The following CYFIP1 variants were observed in gnomAD, a reference collection of about 807,000 sequenced individuals.
CYFIP1 encodes the protein cytoplasmic FMR1 interacting protein 1.
A neutral mutation model predicts 163.5 loss-of-function variants in CYFIP1; 58 were observed. The observed-to-expected ratio is 0.35, with a 90% CI of 0.29 to 0.44. CYFIP1 has a LOEUF of 0.44. CYFIP1 is among the 20% of genes least tolerant of loss of function. The pLI, the probability that CYFIP1 is intolerant of heterozygous loss-of-function variation, is 1.00. For missense variants in CYFIP1, 1,338 were observed against 1,653.8 expected (o/e 0.81, Z 3.31); for synonymous variants, 663 against 660.7 (o/e 1.00, Z -0.05).
chr15:22,906,756 C>G (rs1007541056), intron 21 of CYFIP1, among the ~76,000 whole-genome samples: 1 of 152,166 alleles, frequency 6.6e-6, no homozygotes, highest in Admixed American at 6.5e-5. Flanking sequence ...TGAGCCACAG[C>G]GCCCGGCCAG....
At chr15:22,879,292 C>G (rs2059681003) in intron 26 of CYFIP1, among the ~76,000 whole-genome samples, 1 of 152,198 alleles carries the variant, frequency 6.6e-6, no homozygotes, top group African/African-American at 2.4e-5. Context: ...TTCCCACTGG[C>G]TTTCCCAGCC....
intron 14 of CYFIP1, 64 bp downstream of exon 14, chr15:22,918,628 T>C: frequency 7.1e-7 from 1 of 1,415,638 alleles, no homozygotes; most frequent in Middle Eastern, 1.9e-4. Flanking sequence ...GCTCCTGTTG[T>C]TTGAATCCAA....
intron 1 of CYFIP1, among the ~76,000 whole-genome samples, chr15:22,956,725 C>T (rs765285117): frequency 1.3e-5 from 2 of 152,168 alleles, no homozygotes; most frequent in South Asian, 2.1e-4. Flanking sequence ...GCCCCACTGC[C>T]GCCCCGAGAC....
chr15:22,902,197 G>C (rs2060414979), intron 22 of CYFIP1, among the ~76,000 whole-genome samples: 1 of 152,230 alleles, frequency 6.6e-6, no homozygotes, highest in African/African-American at 2.4e-5. Flanking sequence ...GCCGCCCACA[G>C]TGGGGACGAG....
intron 28 of CYFIP1, among the ~76,000 whole-genome samples, chr15:22,874,181 T>C (rs769885081): frequency 1.3e-5 from 2 of 152,200 alleles, no homozygotes. Flanking sequence ...AACCCTGACT[T>C]AGCATAAGCA....
At chr15:22,908,526 T>TC (rs2060663525) in intron 21 of CYFIP1, among the ~76,000 whole-genome samples, 1 of 95,082 alleles carries the variant, frequency 1.1e-5, no homozygotes, top group Non-Finnish European at 2.2e-5. Flanking sequence ...TTCTTTTTTT[T>TC]TTTTTTTTTT....
intron 1 of CYFIP1, among the ~76,000 whole-genome samples, chr15:22,966,228 C>T (rs1056213277): frequency 2.0e-5 from 3 of 151,792 alleles, no homozygotes; most frequent in Non-Finnish European, 2.9e-5. Flanking sequence ...GTGGCGTGGG[C>T]CTGTAATCCC....
chr15:22,895,843 T>C (rs2060221259), intron 22 of CYFIP1, among the ~76,000 whole-genome samples: 1 of 152,204 alleles, frequency 6.6e-6, no homozygotes, highest in South Asian at 2.1e-4. Flanking sequence ...CGCCCCTGGC[T>C]GGCAGTACCC....
In CYFIP1 at chr15:22,939,252, A is replaced by G. The variant is rs1348575633; in HGVS notation, c.735T>C (p.Cys245=). 7 of 1,614,170 alleles carry G rather than the reference A, an allele frequency of 4.3e-6. No individual in the cohort carries two copies. Among genetic ancestry groups the G allele is most frequent in the Non-Finnish European group, 5.9e-6 (7 of 1,180,020 alleles). Residue 245 remains cysteine (C), a synonymous_variant, in exon 8 of 31, where the codon TGT becomes TGC. Transcript: ENST00000617928. The part of the protein sequence containing the change: ...EELLADIVNL[C]VDYYENRMYL... ...ACATCCTGTTCTCGTAGTAATCCAC[A>G]CACAGATTCACAATATCTGCCAGGA...
intron 22 of CYFIP1, among the ~76,000 whole-genome samples, chr15:22,895,894 C>T (rs1047517124): frequency 3.9e-5 from 6 of 152,194 alleles, no homozygotes; most frequent in Non-Finnish European, 8.8e-5. Context: ...GTGATGCGTC[C>T]CTGAGGACAG....
chr15:22,937,757 A>G lies in CYFIP1; in HGVS notation c.796-549T>C, dbSNP rs138907723. On this transcript the variant is annotated intron_variant, in intron 8 of 30. Transcript: ENST00000617928. ...GGGATTACAGGCGCCCATGACCACC[A>G]CGCCTGGCTAATTTTTTTTGTATTT... Among the ~76,000 whole-genome samples the G allele has an allele frequency of 2.6e-3, 398 of 151,904 alleles. 2 individuals are homozygous for G. Among genetic ancestry groups the G allele is most frequent in the South Asian group, 4.2e-3 (20 of 4,796 alleles).
chr15:22,922,403 T>A (rs934212867), intron 13 of CYFIP1, among the ~76,000 whole-genome samples: 2 of 152,216 alleles, frequency 1.3e-5, no homozygotes, highest in Non-Finnish European at 1.5e-5. Flanking sequence ...CTGGGAGAAA[T>A]AAGCACGTCC....
At chr15:22,951,041 G>A (rs967191517) in intron 1 of CYFIP1, among the ~76,000 whole-genome samples, 3 of 152,160 alleles carry the variant, frequency 2.0e-5, no homozygotes, top group Admixed American at 2.0e-4. Context: ...CATAGACTAC[G>A]CAGGGTTCAG....
chr15:22,947,191 G>A lies in CYFIP1; in HGVS notation c.95C>T (p.Pro32Leu), dbSNP rs367588095. ...LPDQQPCIEP[P>L]PSSLLYQPNF... ...CACCTGGTAGAGCAGCGAGGATGGCGGGGGCTCGATGCAGGGCTGCTGGTC... is the reference window on the plus strand; with the variant it reads ...CACCTGGTAGAGCAGCGAGGATGGCAGGGGCTCGATGCAGGGCTGCTGGTC... Residue 32 changes from proline to leucine, a missense_variant, in exon 2 of 31, where the codon CCG becomes CTG. By Grantham distance (98) the Pro-to-Leu change is moderately conservative. This residue lies in a region of CYFIP1 where 186 missense variants were observed against 288.3 expected (regional missense o/e 0.65). Coordinates refer to ENST00000617928, the MANE Select transcript of CYFIP1 (RefSeq NM_014608.6). The A allele has an allele frequency of 1.1e-5, 18 of 1,613,874 alleles. No individual in the cohort carries two copies. Among genetic ancestry groups the A allele is most frequent in the African/African-American group, 9.3e-5 (7 of 74,920 alleles).
intron 6 of CYFIP1, among the ~76,000 whole-genome samples, chr15:22,939,965 A>C (rs185169623): frequency 5.3e-5 from 8 of 152,290 alleles, no homozygotes; most frequent in African/African-American, 1.7e-4. Flanking sequence ...ACACCTCCCC[A>C]GGCCACCTCA....
At chr15:22,972,971 A>G (rs1241209260) in intron 1 of CYFIP1, among the ~76,000 whole-genome samples, 1 of 152,122 alleles carries the variant, frequency 6.6e-6, no homozygotes, top group African/African-American at 2.4e-5. Context: ...CCCTGCCTCC[A>G]CTAAAAATAC....
intron 9 of CYFIP1, among the ~76,000 whole-genome samples, chr15:22,934,485 C>CTTTTTTT (rs35881374): frequency 8.0e-5 from 4 of 49,798 alleles, no homozygotes; most frequent in African/African-American, 2.5e-4. Flanking sequence ...GCACCCAGCC[C>CTTTTTTT]TTTTTTTTTT....
intron 9 of CYFIP1, 111 bp downstream of exon 9, chr15:22,936,993 C>A (rs143949595): frequency 1.4e-6 from 1 of 735,696 alleles, no homozygotes; most frequent in African/African-American, 1.7e-5. Flanking sequence ...CAGACTCCAC[C>A]CAGCCCCAGC....
intron 26 of CYFIP1, among the ~76,000 whole-genome samples, chr15:22,876,000 G>C (rs2059576509): frequency 6.7e-6 from 1 of 150,220 alleles, no homozygotes; most frequent in African/African-American, 2.5e-5. Context: ...CATCTTTAGA[G>C]GTGAGGGCTC....
Sources: gnomAD v4.1 joint callset for allele counts (sites outside exome capture counted in the v4.1 genomes callset) on GRCh38, gnomAD v4.1.1 for gene constraint, gnomAD v4.1.1 regional missense constraint, MANE v1.5 for transcripts, NCBI Gene and HGNC (gene_info 2026-07-23, HGNC 2026-07-21) for gene names.